The following PPP1R9A variants were observed in gnomAD, a reference collection of about 807,000 sequenced individuals.
PPP1R9A encodes the protein protein phosphatase 1 regulatory subunit 9A.
Under a neutral mutation model 141.9 loss-of-function variants are expected in PPP1R9A, and 59 were observed. The ratio of observed to expected loss-of-function variants is 0.42; its 90% CI spans 0.34 to 0.52. PPP1R9A has a LOEUF of 0.52. Among genes scored for constraint, PPP1R9A ranks in the 20% least tolerant of loss-of-function variants. The pLI is 0.10. For synonymous variants in PPP1R9A, 500 were observed against 569.7 expected (o/e 0.88, Z 1.74); for missense variants, 1,444 against 1,611.9 (o/e 0.90, Z 1.78).
chr7:95,146,285 A>T (rs1380203474), intron 4 of PPP1R9A, among the ~76,000 whole-genome samples: 5 of 152,140 alleles, frequency 3.3e-5, no homozygotes, highest in Non-Finnish European at 5.9e-5. Flanking sequence ...TTTTTTGGCC[A>T]CATAAATGCC....
intron 2 of PPP1R9A, among the ~76,000 whole-genome samples, chr7:95,101,354 T>G (rs1818773787): frequency 6.6e-6 from 1 of 152,338 alleles, no homozygotes; most frequent in East Asian, 1.9e-4. Context: ...TAAATGATCC[T>G]AATATCTTCT....
chr7:95,045,678 A>C (rs1050927662), intron 2 of PPP1R9A, among the ~76,000 whole-genome samples: 1 of 152,116 alleles, frequency 6.6e-6, no homozygotes, highest in Non-Finnish European at 1.5e-5. Flanking sequence ...ATTTTTAGAG[A>C]AGTGGTGTGT....
In PPP1R9A at chr7:94,911,409, C is replaced by T. The variant is rs1168653199; in HGVS notation, c.1296C>T (p.Tyr432=). ...AGGAAGATAGTGATGAGAACAGTTA[C>T]TATCAGCCTGATATGGAGTACTCGG... The part of the protein sequence containing the change: ...DEEEDSDENS[Y]YQPDMEYSEI... The change falls in exon 2 of 20, where the codon TAC becomes TAT. Residue 432 remains tyrosine (Y), a synonymous_variant. Transcript: ENST00000433360. 1.2e-6 allele frequency: 2 copies of T among 1,613,948 alleles called. No homozygotes were observed. The highest frequency in any genetic ancestry group is 3.3e-5 in the Admixed American group (2 of 60,016).
intron 2 of PPP1R9A, among the ~76,000 whole-genome samples, chr7:94,954,661 T>G (rs868273729): frequency 6.6e-6 from 1 of 151,646 alleles, no homozygotes; most frequent in African/African-American, 2.4e-5. Context: ...TTTGTGATTA[T>G]TTTTAGCATT....
chr7:95,130,148 G>A (rs1824322794), intron 4 of PPP1R9A, among the ~76,000 whole-genome samples: 2 of 152,146 alleles, frequency 1.3e-5, no homozygotes, highest in African/African-American at 2.4e-5. Flanking sequence ...ATCACAGGCT[G>A]GGAGGCCTAG....
chr7:95,112,376 A>T (rs960682412), intron 3 of PPP1R9A, among the ~76,000 whole-genome samples: 1 of 152,222 alleles, frequency 6.6e-6, no homozygotes, highest in East Asian at 1.9e-4. Context: ...ATCTCACACC[A>T]GTCAGAACAG....
At chr7:95,002,492 A>G (rs1803076735) in intron 2 of PPP1R9A, among the ~76,000 whole-genome samples, 2 of 152,194 alleles carry the variant, frequency 1.3e-5, no homozygotes, top group South Asian at 4.1e-4. Flanking sequence ...GCCTAAAGTC[A>G]GAGGAAAGTC....
intron 2 of PPP1R9A, among the ~76,000 whole-genome samples, chr7:95,090,476 C>T (rs1817198270): frequency 6.6e-6 from 1 of 151,642 alleles, no homozygotes; most frequent in Admixed American, 6.6e-5. Flanking sequence ...TAACATTTAC[C>T]AAAGCTCTAT....
intron 2 of PPP1R9A, among the ~76,000 whole-genome samples, chr7:95,039,316 T>G (rs1808880153): frequency 6.6e-6 from 1 of 152,070 alleles, no homozygotes; most frequent in Non-Finnish European, 1.5e-5. Flanking sequence ...ATGCCTGTAA[T>G]CCAGCACTTT....
At chr7:95,023,469 A>C (rs1300150818) in intron 2 of PPP1R9A, among the ~76,000 whole-genome samples, 1 of 149,356 alleles carries the variant, frequency 6.7e-6, no homozygotes, top group Non-Finnish European at 1.5e-5. Flanking sequence ...TCATGTCTCT[A>C]TCTCCTTCAG....
chr7:95,248,837 T>G (rs1165524274), intron 9 of PPP1R9A, among the ~76,000 whole-genome samples: 1 of 152,194 alleles, frequency 6.6e-6, no homozygotes, highest in East Asian at 1.9e-4. Context: ...TTTGGATGCT[T>G]TCTAACTTTG....
At chr7:95,006,822 C>G (rs1466414880) in intron 2 of PPP1R9A, among the ~76,000 whole-genome samples, 1 of 151,890 alleles carries the variant, frequency 6.6e-6, no homozygotes, top group African/African-American at 2.4e-5. Context: ...ACCATTGTCT[C>G]CTTTCCCTGC....
At chr7:95,174,666 T>A (rs2152763162) in intron 5 of PPP1R9A, among the ~76,000 whole-genome samples, 1 of 152,274 alleles carries the variant, frequency 6.6e-6, no homozygotes, top group African/African-American at 2.4e-5. Flanking sequence ...CAATGTGAAT[T>A]TCATTAGCAA....
intron 4 of PPP1R9A, among the ~76,000 whole-genome samples, chr7:95,149,546 A>T (rs910293895): frequency 6.6e-6 from 1 of 152,060 alleles, no homozygotes. Context: ...CAAGCTTATT[A>T]TACAAAAGTC....
At chr7:95,004,262 T>A (rs1243227818) in intron 2 of PPP1R9A, among the ~76,000 whole-genome samples, 5 of 152,018 alleles carry the variant, frequency 3.3e-5, no homozygotes, top group Admixed American at 3.3e-4. Flanking sequence ...CCTTTGTGCT[T>A]TTTTGCTAAG....
intron 5 of PPP1R9A, among the ~76,000 whole-genome samples, chr7:95,183,809 A>G (rs1266768073): frequency 6.6e-6 from 1 of 151,960 alleles, no homozygotes; most frequent in South Asian, 2.1e-4. Context: ...ACTAATGCCT[A>G]TAATTAAATT....
intron 2 of PPP1R9A, among the ~76,000 whole-genome samples, chr7:94,931,690 T>G (rs896571656): frequency 1.3e-5 from 2 of 152,160 alleles, no homozygotes; most frequent in Admixed American, 6.5e-5. Flanking sequence ...GTGATTCTCC[T>G]GCCTCAGCCT....
chr7:95,132,474 G>A (rs1389984775), intron 4 of PPP1R9A, among the ~76,000 whole-genome samples: 1 of 152,150 alleles, frequency 6.6e-6, no homozygotes, highest in East Asian at 1.9e-4. Flanking sequence ...TTTATGTGGT[G>A]AATCATATTT....
At position 95,272,556 on chromosome 7, in the gene PPP1R9A, T is replaced by C. The variant is rs1035784101; in HGVS notation, c.3125-1343T>C. Among the ~76,000 whole-genome samples the C allele has an allele frequency of 3.3e-5, 5 of 152,328 alleles. No homozygotes were observed. In the East Asian group the frequency reaches 9.7e-4, roughly 29 times the overall value. On this transcript the variant is annotated intron_variant, in intron 14 of 19. Transcript: ENST00000433360. ...TTGTGTTTCATTATGTACATTTCAG[T>C]GAGTTGCTTATTGTAATCTAAGTAT...
Sources: allele counts gnomAD v4.1 joint callset (sites outside exome capture counted in the v4.1 genomes callset), GRCh38; gene constraint gnomAD v4.1.1; transcripts MANE v1.5; gene names NCBI Gene and HGNC (gene_info 2026-07-23, HGNC 2026-07-21).